The following STK11IP variants were observed in gnomAD, a reference collection of about 807,000 sequenced individuals.
STK11IP encodes serine/threonine-protein kinase 11-interacting protein.
In STK11IP, 103 loss-of-function variants were observed where a neutral mutation model predicts 131.7. The ratio of observed to expected loss-of-function variants is 0.78; its 90% CI spans 0.67 to 0.92. The LOEUF is 0.92. Among genes scored for constraint, STK11IP ranks in the 40% least tolerant of loss-of-function variants. The pLI, the probability that STK11IP is intolerant of heterozygous loss-of-function variation, is 0.00. For missense variants in STK11IP, 1,315 were observed against 1,385.7 expected, an observed-to-expected ratio of 0.95 and a Z score of 0.81; for synonymous variants, 557 against 575.6, an observed-to-expected ratio of 0.97 and a Z score of 0.46.
chr2:219,606,729 G>T lies in STK11IP; in HGVS notation c.1005G>T (p.Gly335=). ...LTDFQTHTSL[G]LSPMGPPLPW... ...CGTGCCAGACTCACACATCCTTGGG[G>T]CTCAGCCCCATGGGCCCACCTTTGC... Residue 335 remains glycine, a synonymous_variant, in exon 12 of 25, where the codon GGG becomes GGT. Coordinates refer to ENST00000456909, the MANE Select transcript of STK11IP (RefSeq NM_052902.4). 2 of 1,612,156 alleles carry T rather than the reference G, an allele frequency of 1.2e-6. No individual in the cohort carries two copies. The highest frequency in any genetic ancestry group is 1.7e-6 in the Non-Finnish European group (2 of 1,178,868).
At chr2:219,605,830 G>A in intron 8 of STK11IP, 96 bp downstream of exon 8, 6 of 1,506,554 alleles carry the variant, frequency 4.0e-6, no homozygotes, top group African/African-American at 1.4e-5. Flanking sequence ...AGCCTTGAGA[G>A]GGCTTATGGG....
chr2:219,614,364 G>A (rs903306703), intron 22 of STK11IP, 112 bp from the exon 23 acceptor site: 7 of 1,509,448 alleles, frequency 4.6e-6, no homozygotes, highest in Non-Finnish European at 6.4e-6. Context: ...TGCCCCTTAT[G>A]GGCCCCTAGT....
chr2:219,609,812 A>G (rs968804506), intron 17 of STK11IP: 6 of 377,002 alleles, frequency 1.6e-5, no homozygotes, highest in Non-Finnish European at 3.0e-5. Flanking sequence ...AAACATACTC[A>G]TTATTTTTTC....
In STK11IP at chr2:219,601,723, G is replaced by A; in HGVS notation, c.342+8G>A. ...TCCCTTCGGCACCTGGAGGTATGGG[G>A]ACACGGGGGGATGTTGGTGCACAGC... On this transcript the variant is annotated splice_region_variant and intron_variant, in intron 4 of 24. Coordinates refer to ENST00000456909, the MANE Select transcript of STK11IP (RefSeq NM_052902.4). 4 of 1,592,388 alleles carry A rather than the reference G, an allele frequency of 2.5e-6. No individual in the cohort carries two copies. Among genetic ancestry groups the A allele is most frequent in the Non-Finnish European group, 3.4e-6 (4 of 1,168,300 alleles).
At chr2:219,600,846 C>T (rs949882792) in intron 2 of STK11IP, among the ~76,000 whole-genome samples, 6 of 152,154 alleles carry the variant, frequency 3.9e-5, no homozygotes, top group South Asian at 2.1e-4. Context: ...CTTCTTGAGG[C>T]GGCTTCCTGG....
In STK11IP at chr2:219,605,642, A is replaced by C; in HGVS notation, c.653A>C (p.Tyr218Ser). The part of the protein sequence containing the change: ...LCELHHLDIS[Y>S]NRLHLVPRMG... ...GAGCTCCACCATCTGGACATCTCCT[A>C]TAATCGCCTGCATTTGGTGCCAAGA... Residue 218 changes from tyrosine (Y) to serine (S), a missense_variant, in exon 8 of 25, where the codon TAT (tyrosine) becomes TCT (serine). By Grantham distance (144) the Tyr-to-Ser change is moderately radical (BLOSUM62 -2). Transcript: ENST00000456909. 1 of 1,553,322 alleles carries C rather than the reference A, an allele frequency of 6.4e-7. No homozygotes were observed. Among genetic ancestry groups the C allele is most frequent in the Non-Finnish European group, 8.7e-7 (1 of 1,147,896 alleles).
Position 219,607,341 on chromosome 2 carries a change from A to C in STK11IP, c.1219+204A>C, listed in dbSNP as rs139568267. ...GAGCATTTTGAAAACTTTTCGAGGA[A>C]CATTAATTTTGTGGGGTGTCAAGAG... On this transcript the variant is annotated intron_variant, in intron 13 of 24. Coordinates refer to ENST00000456909, the MANE Select transcript of STK11IP (RefSeq NM_052902.4). Among the ~76,000 whole-genome samples the C allele has an allele frequency of 2.8e-4, 43 of 152,250 alleles. No homozygotes were observed. The East Asian group carries it at 8.1e-3, about 29-fold the overall frequency.
intron 19 of STK11IP, 80 bp downstream of exon 19, chr2:219,612,138 T>A: frequency 7.5e-7 from 1 of 1,330,038 alleles, no homozygotes. Context: ...CTGAGTCAGA[T>A]CAAGCACTCT....
chr2:219,610,886 G>T (rs1698374428), intron 17 of STK11IP, among the ~76,000 whole-genome samples: 1 of 152,212 alleles, frequency 6.6e-6, no homozygotes, highest in Non-Finnish European at 1.5e-5. Flanking sequence ...GTCCTGGGCA[G>T]CATGTGTAAA....
In STK11IP at chr2:219,598,158, C is replaced by G. The variant is rs780116372; in HGVS notation, c.39C>G (p.Leu13=). The G allele has an allele frequency of 1.3e-6, 2 of 1,573,500 alleles. No individual in the cohort carries two copies. The highest frequency in any genetic ancestry group is 2.3e-5 in the South Asian group (2 of 85,898). ...AGAGGGACTCCCTGTTGTGGAAGCT[C>G]GCGGGGTTGCTGCGGGAGTCCGGTG... is the stretch of plus-strand genomic sequence containing the variant. ...TAQRDSLLWK[L]AGLLRESGDV... The change falls in exon 2 of 25, where the codon CTC becomes CTG. Residue 13 remains leucine (L), a synonymous_variant. Coordinates refer to ENST00000456909, the MANE Select transcript of STK11IP (RefSeq NM_052902.4).
chr2:219,606,353 A>T, intron 10 of STK11IP, 63 bp downstream of exon 10: 2 of 1,543,576 alleles, frequency 1.3e-6, no homozygotes, highest in South Asian at 2.4e-5. Context: ...CCCACCTTGC[A>T]CCCTCTTGCC....
intron 7 of STK11IP, among the ~76,000 whole-genome samples, chr2:219,603,645 C>G (rs1220369914): frequency 6.6e-6 from 1 of 151,830 alleles, no homozygotes; most frequent in Non-Finnish European, 1.5e-5. Flanking sequence ...CTCAGTCTCC[C>G]GAGTAGCTGG....
chr2:219,599,425 T>C (rs754477187), intron 2 of STK11IP, among the ~76,000 whole-genome samples: 1 of 152,188 alleles, frequency 6.6e-6, no homozygotes, highest in Non-Finnish European at 1.5e-5. Context: ...ATTGATAACT[T>C]TGCAAATGTC....
At chr2:219,615,960 G>A in intron 24 of STK11IP, 84 bp from the exon 25 acceptor site, 5 of 1,549,596 alleles carry the variant, frequency 3.2e-6, no homozygotes, top group Non-Finnish European at 4.4e-6. Context: ...GGTGGAGACA[G>A]TGAGGCCTTC....
chr2:219,612,947 T>C (rs1698441031), intron 19 of STK11IP, 181 bp from the exon 20 acceptor site: 1 of 584,844 alleles, frequency 1.7e-6, no homozygotes, highest in Non-Finnish European at 3.1e-6. Flanking sequence ...GGGCAGGGGC[T>C]GCAAGGCAGA....
intron 13 of STK11IP, 80 bp downstream of exon 13, chr2:219,607,217 G>T (rs1206923779): frequency 7.3e-7 from 1 of 1,376,974 alleles, no homozygotes; most frequent in East Asian, 2.4e-5. Context: ...AAGATCTGCT[G>T]GAAGAAATGT....
chr2:219,609,988 G>A (rs763042907), intron 17 of STK11IP: 17 of 200,816 alleles, frequency 8.5e-5, no homozygotes, highest in Non-Finnish European at 1.7e-4. Context: ...ATCCTTCCCG[G>A]CTGACCTTGG....
rs370975215 is a variant in STK11IP, at chr2:219,597,872, T to C, written c.-78T>C. 30 of 1,603,578 alleles carry C rather than the reference T, an allele frequency of 1.9e-5. No individual in the cohort carries two copies. The highest frequency in any genetic ancestry group is 2.3e-5 in the Non-Finnish European group (27 of 1,175,434). On this transcript the variant is annotated 5_prime_UTR_variant, in exon 1 of 25. Coordinates refer to ENST00000456909, the MANE Select transcript of STK11IP (RefSeq NM_052902.4). ...CCGGGGCGGGACTTCCTTTCCATCA[T>C]TGATAGGCGCCGGGCAGCTGAGCTG...
intron 14 of STK11IP, 53 bp downstream of exon 14, chr2:219,608,483 T>A (rs1416590956): frequency 6.5e-7 from 1 of 1,533,066 alleles, no homozygotes; most frequent in Non-Finnish European, 8.8e-7. Flanking sequence ...TTGGGATGTT[T>A]GTGAGTGGTG....
Sources: gnomAD v4.1 joint callset for allele counts (sites outside exome capture counted in the v4.1 genomes callset) on GRCh38, gnomAD v4.1.1 for gene constraint, MANE v1.5 for transcripts, NCBI Gene and HGNC (gene_info 2026-07-23, HGNC 2026-07-21) for gene names.